Variants in AFF3 observed in about 807,000 individuals in gnomAD.
AFF3 encodes the protein ALF transcription elongation factor 3, also known as AF4/FMR2 family member 3.
AFF3 carries 32 observed loss-of-function variants against 129.7 expected under a neutral mutation model. That is an observed-to-expected ratio of 0.25 (90% CI 0.19 to 0.33). The LOEUF (loss-of-function observed/expected upper bound fraction) is 0.33, where lower values mean the gene tolerates loss of function less well. AFF3 is among the 10% of genes least tolerant of loss of function. The pLI is 1.00. For missense variants in AFF3, 1,373 were observed against 1,592.0 expected (o/e 0.86, Z 2.34); for synonymous variants, 644 against 635.4 (o/e 1.01, Z -0.20).
chr2:99,753,769 C>G (rs1032433486), intron 8 of AFF3, among the ~76,000 whole-genome samples: 2 of 152,164 alleles, frequency 1.3e-5, no homozygotes, highest in Admixed American at 6.5e-5. Flanking sequence ...TAGGCACATA[C>G]GCATTCTAGG....
At chr2:100,048,006 C>T (rs1685973480) in intron 4 of AFF3, among the ~76,000 whole-genome samples, 1 of 152,210 alleles carries the variant, frequency 6.6e-6, no homozygotes, top group Non-Finnish European at 1.5e-5. Flanking sequence ...TATTTCATGT[C>T]AAGCTCTACT....
chr2:99,581,381 G>A (rs2104815706), intron 17 of AFF3, among the ~76,000 whole-genome samples: 1 of 152,228 alleles, frequency 6.6e-6, no homozygotes, highest in East Asian at 1.9e-4. Flanking sequence ...GCACAAAAAA[G>A]GTTCATTTCC....
Position 100,073,285 on chromosome 2 carries a change from C to G in AFF3, c.53+31117G>C, listed in dbSNP as rs570765672. Among the ~76,000 whole-genome samples, 13 of 152,330 alleles carry G rather than the reference C, an allele frequency of 8.5e-5. No individual in the cohort carries two copies. In the South Asian group the frequency reaches 2.5e-3, roughly 29 times the overall value. The stretch of plus-strand genomic sequence containing the variant: ...CTGGTGTCCTCATGAAAAGGGGACA[C>G]GTGGACACAGGCATGCACACAGGCA... On this transcript the variant is annotated intron_variant, in intron 4 of 24. Transcript: ENST00000672756.
intron 7 of AFF3, among the ~76,000 whole-genome samples, chr2:99,935,793 G>T (rs1014778817): frequency 2.6e-5 from 4 of 152,166 alleles, no homozygotes; most frequent in African/African-American, 7.2e-5. Context: ...CATCACCTGG[G>T]CATCCCCTCA....
intron 12 of AFF3, among the ~76,000 whole-genome samples, chr2:99,666,763 A>T (rs1686711240): frequency 6.6e-6 from 1 of 152,250 alleles, no homozygotes; most frequent in African/African-American, 2.4e-5. Context: ...CTGTGCTGTT[A>T]TCAGAAAAAG....
intron 4 of AFF3, among the ~76,000 whole-genome samples, chr2:100,092,045 T>C (rs1291392406): frequency 6.6e-6 from 1 of 151,492 alleles, no homozygotes; most frequent in Non-Finnish European, 1.5e-5. Flanking sequence ...TCTCAAGGCT[T>C]TCACCAGCAC....
intron 7 of AFF3, among the ~76,000 whole-genome samples, chr2:100,005,335 G>A (rs534051062): frequency 6.6e-6 from 1 of 152,142 alleles, no homozygotes; most frequent in South Asian, 2.1e-4. Context: ...AGTTTCTTTG[G>A]TAGATAAAAA....
intron 7 of AFF3, among the ~76,000 whole-genome samples, chr2:99,904,947 G>A (rs916153070): frequency 2.0e-5 from 3 of 152,232 alleles, no homozygotes; most frequent in African/African-American, 7.2e-5. Flanking sequence ...TAGGTGCCCA[G>A]TGGCCCCATC....
intron 8 of AFF3, among the ~76,000 whole-genome samples, chr2:99,792,517 T>G (rs1685268196): frequency 6.6e-6 from 1 of 151,568 alleles, no homozygotes; most frequent in African/African-American, 2.4e-5. Context: ...CAACAAAAAC[T>G]CAAACAAAAT....
intron 11 of AFF3, among the ~76,000 whole-genome samples, chr2:99,712,849 G>A (rs1052236118): frequency 2.6e-5 from 4 of 152,130 alleles, no homozygotes; most frequent in African/African-American, 9.7e-5. Flanking sequence ...GTCCATTGAC[G>A]GATAAATGGA....
chr2:99,971,382 C>T (rs62149299), intron 7 of AFF3, among the ~76,000 whole-genome samples: 14,440 of 152,208 alleles, frequency 0.095, 948 homozygotes, highest in Non-Finnish European at 0.13. Flanking sequence ...CATCCCATTC[C>T]CTAAAATGAT....
At chr2:99,991,918 A>C (rs535781606) in intron 7 of AFF3, among the ~76,000 whole-genome samples, 2,001 of 150,596 alleles carry the variant, frequency 0.013, 60 homozygotes, top group African/African-American at 0.047. Context: ...CAAAAACAAA[A>C]ACAAAAAAAC....
intron 8 of AFF3, among the ~76,000 whole-genome samples, chr2:99,782,251 A>G (rs1684471548): frequency 2.0e-5 from 3 of 152,228 alleles, no homozygotes; most frequent in Admixed American, 1.3e-4. Context: ...CCCTACCAAA[A>G]GCCCTTTGGC....
chr2:99,760,066 T>G lies in AFF3; in HGVS notation c.922-7765A>C, dbSNP rs117239871. Among the ~76,000 whole-genome samples the G allele has an allele frequency of 4.1e-3, 623 of 152,296 alleles. 19 individuals are homozygous for G. The East Asian group carries it at 0.09, about 22-fold the overall frequency. ...ACATACATATATAAAGAAACTAGTA[T>G]AGTTCCCCTCCCATTTAAGCATTCA... is the stretch of plus-strand genomic sequence containing the variant. On this transcript the variant is annotated intron_variant, in intron 8 of 24. Transcript: ENST00000672756.
At chr2:99,596,751 G>A (rs1294027126) in intron 14 of AFF3, among the ~76,000 whole-genome samples, 1 of 152,204 alleles carries the variant, frequency 6.6e-6, no homozygotes, top group East Asian at 1.9e-4. Context: ...CTTCCTAGCA[G>A]GAGCATTAAC....
intron 12 of AFF3, among the ~76,000 whole-genome samples, chr2:99,668,830 G>A (rs949671863): frequency 6.6e-6 from 1 of 152,110 alleles, no homozygotes; most frequent in African/African-American, 2.4e-5. Context: ...CCAAAGTGCT[G>A]GGATTACAGG....
chr2:100,111,638 A>G (rs1438379819), intron 2 of AFF3, among the ~76,000 whole-genome samples: 1 of 152,262 alleles, frequency 6.6e-6, no homozygotes, highest in Non-Finnish European at 1.5e-5. Flanking sequence ...ACACAAAAAT[A>G]TGTATGTTTC....
rs575078729 is a variant in AFF3, at chr2:99,592,550, C to T, written c.2466+645G>A. On this transcript the variant is annotated intron_variant, in intron 15 of 24. Transcript: ENST00000672756. The stretch of plus-strand genomic sequence containing the variant: ...CTCATGTGTTTAGCTTTCTCACAGG[C>T]CCTACATCCAGCTGCGTGTGCACAC... 5.3e-5 allele frequency among the ~76,000 whole-genome samples: 8 copies of T among 152,330 alleles called. 1 individual carries two copies. The South Asian group carries it at 1.2e-3, about 24-fold the overall frequency.
At chr2:99,650,559 C>T (rs2105619057) in intron 12 of AFF3, among the ~76,000 whole-genome samples, 1 of 151,734 alleles carries the variant, frequency 6.6e-6, no homozygotes, top group South Asian at 2.1e-4. Context: ...AACTCCATCT[C>T]AAAAATAAAT....
Sources: allele counts gnomAD v4.1 joint callset (sites outside exome capture counted in the v4.1 genomes callset), GRCh38; gene constraint gnomAD v4.1.1; transcripts MANE v1.5; gene names NCBI Gene and HGNC (gene_info 2026-07-23, HGNC 2026-07-21).